The following TBC1D5 variants were observed in gnomAD, a reference collection of about 807,000 sequenced individuals.
TBC1D5 encodes TBC1 domain family, member 5.
In TBC1D5, 75 loss-of-function variants were observed where a neutral mutation model predicts 100.3. The ratio of observed to expected loss-of-function variants is 0.75; its 90% confidence interval spans 0.62 to 0.91. TBC1D5 has a LOEUF of 0.91. TBC1D5 is among the 40% of genes least tolerant of loss of function. The probability of loss-of-function intolerance (pLI) is 0.00; values close to 1 mark genes in which losing one functional copy is unlikely to be tolerated. For missense variants in TBC1D5, 910 were observed against 942.4 expected, an observed-to-expected ratio of 0.97 and a Z score of 0.45; for synonymous variants, 323 against 325.6, an observed-to-expected ratio of 0.99 and a Z score of 0.09.
intron 3 of TBC1D5, among the ~76,000 whole-genome samples, chr3:17,479,838 C>T (rs1217823178): frequency 1.3e-5 from 2 of 152,222 alleles, no homozygotes; most frequent in African/African-American, 2.4e-5. Flanking sequence ...GGGCTGCATG[C>T]TCTATGAACC....
intron 18 of TBC1D5, among the ~76,000 whole-genome samples, chr3:17,204,131 G>A (rs1170584074): frequency 6.6e-6 from 1 of 152,212 alleles, no homozygotes; most frequent in Non-Finnish European, 1.5e-5. Flanking sequence ...AAGGATAAAT[G>A]ATGAGATGCC....
chr3:17,163,717 G>A (rs911282113), intron 21 of TBC1D5, among the ~76,000 whole-genome samples: 3 of 152,172 alleles, frequency 2.0e-5, no homozygotes, highest in East Asian at 3.8e-4. Context: ...TTTCCATGAT[G>A]ATGGAAACGT....
At chr3:17,373,147 A>T (rs1303058712) in intron 12 of TBC1D5, among the ~76,000 whole-genome samples, 1 of 152,214 alleles carries the variant, frequency 6.6e-6, no homozygotes, top group African/African-American at 2.4e-5. Context: ...TAAAAATGTT[A>T]AAAACCACTC....
At chr3:17,470,562 T>C (rs1044878729) in intron 3 of TBC1D5, among the ~76,000 whole-genome samples, 3 of 152,136 alleles carry the variant, frequency 2.0e-5, no homozygotes, top group Non-Finnish European at 2.9e-5. Flanking sequence ...ACTTAAATGA[T>C]TGTAAAATGT....
At chr3:17,703,328 T>C (rs990894897) in intron 1 of TBC1D5, among the ~76,000 whole-genome samples, 1 of 152,188 alleles carries the variant, frequency 6.6e-6, no homozygotes, top group Non-Finnish European at 1.5e-5. Flanking sequence ...CCTACATATA[T>C]AGATACATCC....
At chr3:17,379,739 T>C (rs1191173634) in intron 9 of TBC1D5, among the ~76,000 whole-genome samples, 1 of 152,100 alleles carries the variant, frequency 6.6e-6, no homozygotes, top group East Asian at 1.9e-4. Context: ...TTTTTATACA[T>C]ACACCTGTAT....
intron 20 of TBC1D5, 33 bp from the exon 22 acceptor site, chr3:17,166,961 A>G: frequency 1.3e-6 from 2 of 1,569,956 alleles, no homozygotes; most frequent in Non-Finnish European, 1.7e-6. Context: ...TAAATGAAAA[A>G]AATGGATGAG....
chr3:17,167,907 G>T, intron 19 of TBC1D5, 79 bp from the exon 21 acceptor site: 1 of 1,066,084 alleles, frequency 9.4e-7, no homozygotes, highest in Non-Finnish European at 1.3e-6. Flanking sequence ...CTTCAGACGG[G>T]CTTGGGAAGT....
chr3:17,675,557 T>C (rs1321576117), intron 1 of TBC1D5, among the ~76,000 whole-genome samples: 5 of 152,150 alleles, frequency 3.3e-5, no homozygotes, highest in Non-Finnish European at 7.4e-5. Context: ...TATTTGCTGA[T>C]TCACTAATTT....
intron 2 of TBC1D5, among the ~76,000 whole-genome samples, chr3:17,604,211 C>T (rs766915389): frequency 5.3e-5 from 8 of 152,298 alleles, no homozygotes; most frequent in Admixed American, 6.5e-5. Flanking sequence ...CTACCTGCCT[C>T]GGCCTCCCAA....
intron 3 of TBC1D5, among the ~76,000 whole-genome samples, chr3:17,471,440 A>G (rs916538082): frequency 1.3e-5 from 2 of 152,210 alleles, no homozygotes; most frequent in African/African-American, 2.4e-5. Context: ...GAAAACAATC[A>G]TAAGTATAAT....
intron 2 of TBC1D5, among the ~76,000 whole-genome samples, chr3:17,565,283 A>T (rs2096586421): frequency 6.6e-6 from 1 of 152,170 alleles, no homozygotes; most frequent in South Asian, 2.1e-4. Flanking sequence ...CTATGTTTAA[A>T]GTCCTTAAGG....
intron 3 of TBC1D5, among the ~76,000 whole-genome samples, chr3:17,441,309 G>C (rs1446304): frequency 2.6e-5 from 4 of 152,162 alleles, no homozygotes; most frequent in African/African-American, 9.7e-5. Context: ...AAACACAAGA[G>C]AATAAATTTG....
At chr3:17,466,620 A>G (rs908221405) in intron 3 of TBC1D5, among the ~76,000 whole-genome samples, 4 of 152,206 alleles carry the variant, frequency 2.6e-5, no homozygotes, top group Non-Finnish European at 1.5e-5. Flanking sequence ...GTTGGGAGAT[A>G]CTTATCCAAT....
At chr3:17,727,325 G>A (rs975432035) in intron 1 of TBC1D5, among the ~76,000 whole-genome samples, 13 of 152,194 alleles carry the variant, frequency 8.5e-5, no homozygotes, top group Non-Finnish European at 1.8e-4. Context: ...AGGTTGCAGT[G>A]AGCCAAGATC....
chr3:17,231,639 G>A (rs1345163997), intron 17 of TBC1D5, among the ~76,000 whole-genome samples: 1 of 152,010 alleles, frequency 6.6e-6, no homozygotes, highest in African/African-American at 2.4e-5. Flanking sequence ...ATTAAGCATA[G>A]ATAGAATTTT....
At chr3:17,587,069 G>C (rs763306321) in intron 2 of TBC1D5, among the ~76,000 whole-genome samples, 3 of 151,912 alleles carry the variant, frequency 2.0e-5, no homozygotes, top group Non-Finnish European at 2.9e-5. Flanking sequence ...CATCAGTGAT[G>C]ACAAGTGAAT....
chr3:17,341,644 C>T (rs1055361387), intron 13 of TBC1D5, among the ~76,000 whole-genome samples: 8 of 152,172 alleles, frequency 5.3e-5, no homozygotes, highest in Admixed American at 3.3e-4. Flanking sequence ...TCTTAATCAC[C>T]GTTCTATATT....
At chr3:17,437,978 T>C (rs1455122917) in intron 3 of TBC1D5, among the ~76,000 whole-genome samples, 2 of 152,168 alleles carry the variant, frequency 1.3e-5, no homozygotes, top group East Asian at 1.9e-4. Context: ...TTTCCAGCAA[T>C]AGTAATAGAC....
Sources: gnomAD v4.1 joint callset for allele counts (sites outside exome capture counted in the v4.1 genomes callset) on GRCh38, gnomAD v4.1.1 for gene constraint, MANE v1.5 for transcripts, NCBI Gene and HGNC (gene_info 2026-07-23, HGNC 2026-07-21) for gene names.